Variants in ST7 observed in about 807,000 individuals in gnomAD.
ST7 encodes suppression of tumorigenicity 7.
A neutral mutation model predicts 78.7 loss-of-function variants in ST7; 28 were observed. The ratio of observed to expected loss-of-function variants is 0.36; its 90% CI spans 0.26 to 0.49. The LOEUF is 0.49. ST7 is among the 20% of genes least tolerant of loss of function. ST7 has a pLI of 0.99. For synonymous variants in ST7, 247 were observed against 249.6 expected (o/e 0.99, Z 0.10); for missense variants, 418 against 696.0 (o/e 0.60, Z 4.49).
At chr7:117,172,007 G>A (rs1808030074) in intron 10 of ST7, among the ~76,000 whole-genome samples, 1 of 150,144 alleles carries the variant, frequency 6.7e-6, no homozygotes, top group South Asian at 2.1e-4. Context: ...ATGGAGTATA[G>A]TGGTATGATC....
At chr7:117,066,910 C>T (rs1194877074) in intron 1 of ST7, among the ~76,000 whole-genome samples, 1 of 151,994 alleles carries the variant, frequency 6.6e-6, no homozygotes, top group Admixed American at 6.6e-5. Context: ...CTTTCCACTT[C>T]CTCTCACCAT....
chr7:117,148,532 C>T (rs146981031), intron 9 of ST7, among the ~76,000 whole-genome samples: 37 of 152,132 alleles, frequency 2.4e-4, no homozygotes, highest in Middle Eastern at 3.4e-3. Context: ...TTTTTTTGAG[C>T]GTGTGTGCTG....
At position 117,205,172 on chromosome 7, in the gene ST7, G is replaced by A. The variant is rs914652564; in HGVS notation, c.1255-4615G>A. 2.0e-5 allele frequency among the ~76,000 whole-genome samples: 3 copies of A among 152,096 alleles called. No individual in the cohort carries two copies. In the South Asian group the frequency reaches 6.2e-4, roughly 31 times the overall value. On this transcript the variant is annotated intron_variant, in intron 12 of 15. Coordinates refer to ENST00000323984, the MANE Select transcript of ST7 (RefSeq NM_001369598.1). ...TTTAACCACCATGAACATTCAACCT[G>A]TGATTGTCCAATGGTTTTTAATGCC...
chr7:117,200,575 A>G (rs931145994), intron 12 of ST7, among the ~76,000 whole-genome samples: 3 of 152,196 alleles, frequency 2.0e-5, no homozygotes, highest in Non-Finnish European at 4.4e-5. Context: ...TGCCCGCCCA[A>G]GAGGTAGTGG....
intron 1 of ST7, among the ~76,000 whole-genome samples, chr7:117,060,662 C>A (rs182150977): frequency 6.6e-6 from 1 of 152,228 alleles, no homozygotes; most frequent in African/African-American, 2.4e-5. Context: ...TCATATATAT[C>A]AATTTTTTTC....
Position 117,041,334 on chromosome 7 carries a change from A to G in ST7, c.152-58428A>G, listed in dbSNP as rs551221041. On this transcript the variant is annotated intron_variant, in intron 1 of 15. Coordinates refer to ENST00000323984, the MANE Select transcript of ST7 (RefSeq NM_001369598.1). The stretch of plus-strand genomic sequence containing the variant: ...CTGGAGTGTTCTGCTTTTCTCTTCC[A>G]GTGAAGCCTAGAGATGTTTAGTGCC... 4.7e-4 allele frequency among the ~76,000 whole-genome samples: 71 copies of G among 152,258 alleles called. 1 individual carries two copies. The highest frequency in any genetic ancestry group is 1.7e-3 in the African/African-American group (71 of 41,560).
chr7:117,041,746 G>A (rs1797243753), intron 1 of ST7, among the ~76,000 whole-genome samples: 1 of 152,016 alleles, frequency 6.6e-6, no homozygotes, highest in African/African-American at 2.4e-5. Flanking sequence ...CACAGTAATG[G>A]CCCCCAAAAA....
chr7:116,953,558 G>C lies in ST7; in HGVS notation c.18G>C (p.Thr6=), dbSNP rs1451558798. The change falls in exon 1 of 16, where the codon ACG becomes ACC. Residue 6 remains threonine (T), a synonymous_variant. Coordinates refer to ENST00000323984, the MANE Select transcript of ST7 (RefSeq NM_001369598.1). ...GCTGAAACATGGCTGAAGCGGCCACGGGCTTTCTGGAGCAGCTCAAGTCCT... is the reference window on the plus strand; with the variant it reads ...GCTGAAACATGGCTGAAGCGGCCACCGGCTTTCTGGAGCAGCTCAAGTCCT... MAEAA[T]GFLEQLKSCI... 3.5e-6 allele frequency: 5 copies of C among 1,439,294 alleles called. No individual in the cohort carries two copies. The East Asian group carries it at 1.5e-4, about 43-fold the overall frequency. The allele number at this position is 1,439,294 out of a possible 1,614,324, so 89.2% of individuals were successfully genotyped here. A position where few individuals can be genotyped will look rare whatever the true frequency, so the allele number is the denominator to read the frequency against.
rs149128799 is a variant in ST7 at position 117,130,592 on chromosome 7, G to A, written c.551G>A (p.Arg184His). 75 of 1,609,366 alleles carry A rather than the reference G, an allele frequency of 4.7e-5. No individual in the cohort carries two copies. The highest frequency in any genetic ancestry group is 1.1e-4 in the East Asian group (5 of 44,598). Residue 184 changes from arginine (R) to histidine (H), a missense_variant, in exon 5 of 16, where the codon CGT (arginine) becomes CAT (histidine). By Grantham distance (29) the Arg-to-His change is conservative (BLOSUM62 0). Coordinates refer to ENST00000323984, the MANE Select transcript of ST7 (RefSeq NM_001369598.1). ...TTTACTTGTGACTCGGACCATCTGC[G>A]TCCCGCAGATGCAAGTATGAAAAAT... Reference protein sequence around the residue: ...TFFTCDSDHLRPADAIMQKAW... With the variant: ...TFFTCDSDHLHPADAIMQKAW...
chr7:117,152,540 C>T (rs938879893), intron 9 of ST7, among the ~76,000 whole-genome samples: 7 of 152,096 alleles, frequency 4.6e-5, no homozygotes, highest in African/African-American at 1.7e-4. Context: ...AGCCATTCCT[C>T]CCACCTGCTT....
At chr7:117,171,868 C>T (rs944711584) in intron 10 of ST7, among the ~76,000 whole-genome samples, 1 of 151,332 alleles carries the variant, frequency 6.6e-6, no homozygotes, top group Non-Finnish European at 1.5e-5. Context: ...CTTTAGTAAG[C>T]ATCTTCAGTG....
intron 1 of ST7, among the ~76,000 whole-genome samples, chr7:116,958,418 A>G (rs1304262222): frequency 6.6e-6 from 1 of 152,172 alleles, no homozygotes; most frequent in East Asian, 1.9e-4. Context: ...CATGTTGAGA[A>G]TTTTTGCTCT....
At chr7:117,218,540 A>G (rs1190460342) in intron 13 of ST7, among the ~76,000 whole-genome samples, 1 of 152,230 alleles carries the variant, frequency 6.6e-6, no homozygotes, top group Non-Finnish European at 1.5e-5. Context: ...CTTTTAATAA[A>G]GTTTAGAAAC....
intron 1 of ST7, chr7:116,966,202 TATTA>T (rs1340910854): frequency 4.9e-5 from 16 of 324,050 alleles, no homozygotes; most frequent in East Asian, 9.6e-5. Flanking sequence ...TTGTTGCAGT[TATTA>T]ATTATTTCCG....
At chr7:117,131,110 C>T (rs941041692) in intron 5 of ST7, among the ~76,000 whole-genome samples, 8 of 151,656 alleles carry the variant, frequency 5.3e-5, no homozygotes, top group Non-Finnish European at 1.0e-4. Context: ...GTGTATTTTA[C>T]ATTACTTGAG....
chr7:117,112,061 T>C (rs930670558), intron 2 of ST7, among the ~76,000 whole-genome samples: 2 of 152,134 alleles, frequency 1.3e-5, no homozygotes, highest in Admixed American at 1.3e-4. Flanking sequence ...TGTGTATATG[T>C]ATATAGATAT....
chr7:117,222,164 G>C (rs936442509), intron 15 of ST7, 102 bp downstream of exon 15: 2 of 1,312,836 alleles, frequency 1.5e-6, no homozygotes, highest in Middle Eastern at 2.7e-4. Flanking sequence ...AAATGGGTAC[G>C]AGCCTGCAAA....
chr7:117,136,011 A>G (rs540211417), intron 7 of ST7, 70 bp from the exon 8 acceptor site: 1 of 1,542,026 alleles, frequency 6.5e-7, no homozygotes, highest in African/African-American at 1.4e-5. Context: ...GCCTTTCTGC[A>G]TGAGCTCCTA....
At chr7:117,142,067 G>A (rs1278810775) in intron 9 of ST7, among the ~76,000 whole-genome samples, 1 of 152,038 alleles carries the variant, frequency 6.6e-6, no homozygotes, top group Non-Finnish European at 1.5e-5. Context: ...TTGCTCTCAT[G>A]TTTGGTAATT....
Sources: gnomAD v4.1 joint callset for allele counts (sites outside exome capture counted in the v4.1 genomes callset) on GRCh38, gnomAD v4.1.1 for gene constraint, MANE v1.5 for transcripts, NCBI Gene and HGNC (gene_info 2026-07-23, HGNC 2026-07-21) for gene names.